ANKS1B: variants seen among roughly 807,000 people sequenced by gnomAD.
The protein encoded by ANKS1B is ankyrin repeat and sterile alpha motif domain-containing protein 1B.
In ANKS1B, 36 loss-of-function variants were observed where a neutral mutation model predicts 148.3. That is an observed-to-expected ratio of 0.24 (90% CI 0.19 to 0.32). ANKS1B has a LOEUF of 0.32. ANKS1B is among the 10% of genes least tolerant of loss of function. The pLI is 1.00. For synonymous variants in ANKS1B, 542 were observed against 560.8 expected (o/e 0.97, Z 0.47); for missense variants, 1,157 against 1,542.6 (o/e 0.75, Z 4.19).
At chr12:99,550,818 T>G (rs1223490886) in intron 9 of ANKS1B, among the ~76,000 whole-genome samples, 1 of 152,156 alleles carries the variant, frequency 6.6e-6, no homozygotes, top group Non-Finnish European at 1.5e-5. Context: ...CTATAAAGCT[T>G]CTGTAGATAA....
At chr12:99,678,262 T>G (rs1024388493) in intron 8 of ANKS1B, among the ~76,000 whole-genome samples, 4 of 152,194 alleles carry the variant, frequency 2.6e-5, no homozygotes, top group Admixed American at 2.0e-4. Flanking sequence ...GTTTTCATGA[T>G]TCCAGGAAGA....
intron 15 of ANKS1B, among the ~76,000 whole-genome samples, chr12:99,122,170 T>C (rs2063071345): frequency 6.6e-6 from 1 of 152,116 alleles, no homozygotes; most frequent in Admixed American, 6.6e-5. Flanking sequence ...AAAATGTTAA[T>C]AAAATAATAT....
Position 99,185,457 on chromosome 12 carries a change from AT to A in ANKS1B, c.2420-31063del, listed in dbSNP as rs560063148. ...AGATGTCATGAAGGTGGCTGGCAAG[AT>A]GGACGAATAGGAATAGCTCTGGTCT... On this transcript the variant is annotated intron_variant, in intron 14 of 26. Coordinates refer to ENST00000683438, the MANE Select transcript of ANKS1B (RefSeq NM_001352186.2). Among the ~76,000 whole-genome samples, 1,203 of 152,298 alleles carry A rather than the reference AT, an allele frequency of 7.9e-3. 19 individuals are homozygous for A. Among genetic ancestry groups the A allele is most frequent in the African/African-American group, 0.028 (1,155 of 41,564 alleles).
At chr12:99,396,991 T>C (rs531524840) in intron 12 of ANKS1B, among the ~76,000 whole-genome samples, 1 of 152,278 alleles carries the variant, frequency 6.6e-6, no homozygotes, top group African/African-American at 2.4e-5. Context: ...ATAATAATTA[T>C]ATGCCCAGAA....
chr12:99,682,806 T>C (rs375577058), intron 8 of ANKS1B, among the ~76,000 whole-genome samples: 1 of 152,018 alleles, frequency 6.6e-6, no homozygotes, highest in East Asian at 1.9e-4. Context: ...ATACAAAAGA[T>C]AAATGACATG....
At chr12:99,768,921 G>A (rs1027708450) in intron 8 of ANKS1B, among the ~76,000 whole-genome samples, 3 of 149,564 alleles carry the variant, frequency 2.0e-5, no homozygotes, top group Non-Finnish European at 3.0e-5. Flanking sequence ...ACAGCCCTCT[G>A]CAAACCAGGA....
chr12:99,897,646 A>G (rs1171102149), intron 1 of ANKS1B, among the ~76,000 whole-genome samples: 1 of 151,114 alleles, frequency 6.6e-6, no homozygotes, highest in African/African-American at 2.4e-5. Flanking sequence ...AAATCTAAAA[A>G]GCAACACTGT....
intron 8 of ANKS1B, among the ~76,000 whole-genome samples, chr12:99,743,612 T>A (rs1030579052): frequency 2.6e-5 from 4 of 152,158 alleles, no homozygotes; most frequent in African/African-American, 9.7e-5. Flanking sequence ...GCTGAATAAT[T>A]TTCAAGTTAT....
chr12:99,021,565 T>A (rs550266392), intron 17 of ANKS1B, among the ~76,000 whole-genome samples: 1 of 152,102 alleles, frequency 6.6e-6, no homozygotes, highest in African/African-American at 2.4e-5. Context: ...AGTTACATCA[T>A]AGGCACCACA....
intron 26 of ANKS1B, among the ~76,000 whole-genome samples, chr12:98,749,279 T>C (rs1023690929): frequency 9.9e-5 from 15 of 152,004 alleles, no homozygotes; most frequent in African/African-American, 3.4e-4. Context: ...TTTTTTTTTT[T>C]TGTATTTTTA....
chr12:99,791,434 A>G (rs781296007), intron 4 of ANKS1B, among the ~76,000 whole-genome samples: 1 of 151,876 alleles, frequency 6.6e-6, no homozygotes, highest in African/African-American at 2.4e-5. Flanking sequence ...GGAACATTTT[A>G]TCTGATGGCT....
intron 14 of ANKS1B, among the ~76,000 whole-genome samples, chr12:99,190,376 T>C (rs148258569): frequency 0.015 from 2,259 of 152,136 alleles, 47 homozygotes; most frequent in African/African-American, 0.051. Context: ...AAAGAGCCCA[T>C]ATATCCAAGA....
chr12:99,663,830 A>C (rs538864663), intron 8 of ANKS1B, among the ~76,000 whole-genome samples: 1 of 152,196 alleles, frequency 6.6e-6, no homozygotes, highest in South Asian at 2.1e-4. Flanking sequence ...TTAATAGTAC[A>C]TGAGACATTA....
At chr12:99,170,046 A>G (rs1029259639) in intron 14 of ANKS1B, among the ~76,000 whole-genome samples, 1 of 152,144 alleles carries the variant, frequency 6.6e-6, no homozygotes, top group Non-Finnish European at 1.5e-5. Context: ...CCTTACATTC[A>G]TTATTCTTGG....
intron 17 of ANKS1B, among the ~76,000 whole-genome samples, chr12:98,851,822 G>A (rs193279406): frequency 3.4e-4 from 52 of 151,972 alleles, no homozygotes; most frequent in African/African-American, 1.2e-3. Flanking sequence ...TCAAGAGATC[G>A]AGAGCATCCT....
intron 1 of ANKS1B, among the ~76,000 whole-genome samples, chr12:99,982,477 T>G (rs1566137500): frequency 6.6e-6 from 1 of 152,180 alleles, no homozygotes; most frequent in South Asian, 2.1e-4. Flanking sequence ...TAATTCCTCA[T>G]GTTTTCCCGA....
At chr12:99,562,615 G>T (rs917844822) in intron 9 of ANKS1B, among the ~76,000 whole-genome samples, 3 of 152,188 alleles carry the variant, frequency 2.0e-5, no homozygotes, top group African/African-American at 7.2e-5. Flanking sequence ...CAATCATGGT[G>T]GAAGGGGAAG....
At chr12:99,525,352 C>T (rs543209153) in intron 9 of ANKS1B, among the ~76,000 whole-genome samples, 1 of 152,252 alleles carries the variant, frequency 6.6e-6, no homozygotes, top group South Asian at 2.1e-4. Context: ...CCAACTCCAA[C>T]TTAGTTCTTG....
chr12:99,311,503 C>T (rs1484862571), intron 12 of ANKS1B, among the ~76,000 whole-genome samples: 1 of 152,022 alleles, frequency 6.6e-6, no homozygotes, highest in Non-Finnish European at 1.5e-5. Context: ...ATTGATGAAA[C>T]AAGTATCAAT....
Sources: gnomAD v4.1 joint callset for allele counts (sites outside exome capture counted in the v4.1 genomes callset) on GRCh38, gnomAD v4.1.1 for gene constraint, MANE v1.5 for transcripts, NCBI Gene and HGNC (gene_info 2026-07-23, HGNC 2026-07-21) for gene names.